DST: variants seen among roughly 807,000 people sequenced by gnomAD.
DST encodes bullous pemphigoid antigen.
Under a neutral mutation model 875.2 loss-of-function variants are expected in DST, and 253 were observed. The ratio of observed to expected loss-of-function variants is 0.29; its 90% confidence interval spans 0.26 to 0.32. DST has a LOEUF of 0.32. Among genes scored for constraint, DST ranks in the 10% least tolerant of loss-of-function variants. The probability of loss-of-function intolerance (pLI) is 1.00; values close to 1 mark genes in which losing one functional copy is unlikely to be tolerated. For synonymous variants in DST, 3,124 were observed against 3,197.1 expected, an observed-to-expected ratio of 0.98 and a Z score of 0.77; for missense variants, 8,287 against 9,111.6, an observed-to-expected ratio of 0.91 and a Z score of 3.68.
At chr6:56,488,726 T>C (rs776556141) in intron 86 of DST, among the ~76,000 whole-genome samples, 47 of 152,176 alleles carry the variant, frequency 3.1e-4, no homozygotes, top group Admixed American at 6.5e-5. Flanking sequence ...GTGCCTAAAA[T>C]TGTAAAACCC....
At chr6:56,878,003 A>G (rs1305777907) in intron 3 of DST, among the ~76,000 whole-genome samples, 1 of 152,196 alleles carries the variant, frequency 6.6e-6, no homozygotes, top group Non-Finnish European at 1.5e-5. Context: ...CAGTCATGCA[A>G]TAAAGGGCCA....
At chr6:56,776,647 A>T (rs913467603) in intron 4 of DST, among the ~76,000 whole-genome samples, 3 of 152,074 alleles carry the variant, frequency 2.0e-5, no homozygotes, top group Admixed American at 6.6e-5. Context: ...GTTTATTAAA[A>T]TTTTTTTTAA....
chr6:56,584,037 G>C (rs928115515), intron 49 of DST, among the ~76,000 whole-genome samples: 1 of 152,126 alleles, frequency 6.6e-6, no homozygotes, highest in Non-Finnish European at 1.5e-5. Context: ...GATGCCTCCA[G>C]CTTTGTTCTT....
rs1271033147 is a variant in DST, at chr6:56,640,570, C to T, written c.2063G>A (p.Arg688Lys). 6.2e-7 allele frequency: 1 copy of T among 1,614,172 alleles called. No homozygotes were observed. The highest frequency in any genetic ancestry group is 2.2e-5 in the East Asian group (1 of 44,886). ...AKLRDEIMAL[R>K]NECSSVYSKG... ...GCTGTACACAGAAGAACATTCGTTC[C>T]TTAAGGCCATAATTTCGTCACGCAG... The change falls in exon 18 of 104, where the codon AGG (arginine) becomes AAG (lysine). Residue 688 changes from arginine to lysine, a missense_variant. Transcript: ENST00000680361.
At chr6:56,652,992 T>C (rs1481454155) in intron 10 of DST, among the ~76,000 whole-genome samples, 1 of 152,174 alleles carries the variant, frequency 6.6e-6, no homozygotes, top group Non-Finnish European at 1.5e-5. Context: ...GTTCTTTCAA[T>C]AAAAAATCGT....
At chr6:56,817,333 A>G (rs2099767746) in intron 4 of DST, among the ~76,000 whole-genome samples, 1 of 152,234 alleles carries the variant, frequency 6.6e-6, no homozygotes, top group African/African-American at 2.4e-5. Context: ...TAAGAAAATA[A>G]CATAGGCTTT....
intron 4 of DST, among the ~76,000 whole-genome samples, chr6:56,840,793 A>G (rs1335504835): frequency 6.6e-6 from 1 of 152,224 alleles, no homozygotes; most frequent in African/African-American, 2.4e-5. Flanking sequence ...TCTAATGCTC[A>G]TAATTCCTAA....
chr6:56,953,174 G>A (rs1020847649), intron 2 of DST, among the ~76,000 whole-genome samples: 3 of 152,200 alleles, frequency 2.0e-5, no homozygotes, highest in African/African-American at 7.2e-5. Context: ...GTCAAGGAGC[G>A]CTTGTGTTTC....
At chr6:56,546,347 CATAT>C (rs10617867) in intron 61 of DST, among the ~76,000 whole-genome samples, 6,229 of 72,232 alleles carry the variant, frequency 0.086, 211 homozygotes, top group Middle Eastern at 0.19. Flanking sequence ...ATACATATTT[CATAT>C]ATATATATAT....
intron 47 of DST, among the ~76,000 whole-genome samples, chr6:56,596,650 C>G (rs951336001): frequency 4.9e-4 from 74 of 152,214 alleles, no homozygotes; most frequent in Admixed American, 4.6e-3. Context: ...TTTGTATTTT[C>G]TATAAGAACC....
chr6:56,647,805 C>A (rs576682862), intron 13 of DST, among the ~76,000 whole-genome samples: 3 of 151,916 alleles, frequency 2.0e-5, no homozygotes, highest in Non-Finnish European at 4.4e-5. Flanking sequence ...CCTGCCTCAG[C>A]CTCCTGAGTA....
chr6:56,500,341 G>A (rs1028149849), intron 80 of DST, among the ~76,000 whole-genome samples: 3 of 152,102 alleles, frequency 2.0e-5, no homozygotes, highest in Admixed American at 1.3e-4. Flanking sequence ...TAAGTCTAGT[G>A]ACTGAAGGGA....
At chr6:56,820,158 A>T (rs2099771393) in intron 4 of DST, among the ~76,000 whole-genome samples, 2 of 152,216 alleles carry the variant, frequency 1.3e-5, no homozygotes, top group African/African-American at 4.8e-5. Flanking sequence ...CAGGTAAGTT[A>T]TTTAACCACT....
At chr6:56,684,102 G>C (rs962933723) in intron 9 of DST, among the ~76,000 whole-genome samples, 1 of 152,170 alleles carries the variant, frequency 6.6e-6, no homozygotes, top group Non-Finnish European at 1.5e-5. Flanking sequence ...AAACATGAAA[G>C]TCCTATGAGC....
intron 4 of DST, among the ~76,000 whole-genome samples, chr6:56,792,925 T>C (rs932723129): frequency 6.6e-6 from 1 of 151,538 alleles, no homozygotes; most frequent in African/African-American, 2.4e-5. Context: ...AAAATGTAGC[T>C]AGGCATGGTG....
intron 71 of DST, 129 bp downstream of exon 71, chr6:56,517,069 T>C (rs1046904450): frequency 1.4e-6 from 1 of 720,480 alleles, no homozygotes; most frequent in Admixed American, 2.6e-5. Context: ...AAATGCCTTA[T>C]TTAAACTAAT....
chr6:56,522,582 TAGG>T (rs910499224), intron 69 of DST, among the ~76,000 whole-genome samples: 3 of 152,164 alleles, frequency 2.0e-5, no homozygotes, highest in Non-Finnish European at 2.9e-5. Context: ...CTCATTTCCG[TAGG>T]AGATGTTTCC....
intron 4 of DST, among the ~76,000 whole-genome samples, chr6:56,756,806 C>T (rs868382189): frequency 2.6e-5 from 4 of 152,170 alleles, no homozygotes; most frequent in Admixed American, 1.3e-4. Context: ...ATGACTAGAT[C>T]AGCCATAAAA....
In DST at chr6:56,578,955, T is replaced by G; in HGVS notation, c.12904-18A>C. 6.4e-7 allele frequency: 1 copy of G among 1,567,140 alleles called. No individual in the cohort carries two copies. The highest frequency in any genetic ancestry group is 8.7e-7 in the Non-Finnish European group (1 of 1,153,942). On this transcript the variant is annotated intron_variant, in intron 49 of 103. Transcript: ENST00000680361. Reference sequence around the variant, plus strand: ...TGCAAAGCCTGTAGGATTAAACGCTTTTCAATTATACTCAGCAGGACTAAA... The same window carrying G: ...TGCAAAGCCTGTAGGATTAAACGCTGTTCAATTATACTCAGCAGGACTAAA...
Sources: allele counts gnomAD v4.1 joint callset (sites outside exome capture counted in the v4.1 genomes callset), GRCh38; gene constraint gnomAD v4.1.1; transcripts MANE v1.5; gene names NCBI Gene and HGNC (gene_info 2026-07-23, HGNC 2026-07-21).